Variants in LRRK2 observed in about 807,000 individuals in gnomAD.
LRRK2 encodes leucine-rich repeat serine/threonine-protein kinase 2.
LRRK2 carries 203 observed loss-of-function variants against 302.6 expected under a neutral mutation model. The ratio of observed to expected loss-of-function variants is 0.67; its 90% CI spans 0.60 to 0.75. LRRK2 has a LOEUF of 0.75. Among genes scored for constraint, LRRK2 ranks in the 30% least tolerant of loss-of-function variants. The pLI, the probability that LRRK2 is intolerant of heterozygous loss-of-function variation, is 0.00. For synonymous variants in LRRK2, 1,066 were observed against 1,031.9 expected, an observed-to-expected ratio of 1.03 and a Z score of -0.63; for missense variants, 2,830 against 2,951.0, an observed-to-expected ratio of 0.96 and a Z score of 0.95.
chr12:40,328,995 G>A (rs779901998), intron 39 of LRRK2, among the ~76,000 whole-genome samples: 8 of 152,110 alleles, frequency 5.3e-5, no homozygotes, highest in South Asian at 2.1e-4. Context: ...TATTTTTATT[G>A]AACATGACTT....
intron 32 of LRRK2, among the ~76,000 whole-genome samples, chr12:40,314,904 T>A (rs1945164731): frequency 6.6e-6 from 1 of 152,088 alleles, no homozygotes; most frequent in East Asian, 1.9e-4. Flanking sequence ...AACATGTCTT[T>A]GTAGTGTGTA....
At chr12:40,268,535 G>T (rs1186288851) in intron 14 of LRRK2, among the ~76,000 whole-genome samples, 1 of 152,058 alleles carries the variant, frequency 6.6e-6, no homozygotes, top group Non-Finnish European at 1.5e-5. Flanking sequence ...TATATGAAAA[G>T]ATACATCTTT....
At chr12:40,257,485 C>A in intron 12 of LRRK2, 108 bp downstream of exon 12, 2 of 1,328,122 alleles carry the variant, frequency 1.5e-6, no homozygotes, top group Middle Eastern at 2.4e-4. Context: ...AAACATAAGA[C>A]ACTTGAAAAC....
At chr12:40,343,136 G>A (rs993333178) in intron 41 of LRRK2, among the ~76,000 whole-genome samples, 4 of 152,160 alleles carry the variant, frequency 2.6e-5, no homozygotes, top group African/African-American at 4.8e-5. Context: ...AGCTGGGGAC[G>A]CAGAGACAGA....
intron 27 of LRRK2, 46 bp from the exon 28 acceptor site, chr12:40,305,739 T>G: frequency 1.3e-6 from 2 of 1,571,614 alleles, no homozygotes; most frequent in Non-Finnish European, 1.7e-6. Flanking sequence ...CAGAGCACAT[T>G]TCTTCCTTCC....
intron 18 of LRRK2, among the ~76,000 whole-genome samples, chr12:40,278,609 T>C (rs1943558677): frequency 6.6e-6 from 1 of 152,226 alleles, no homozygotes; most frequent in South Asian, 2.1e-4. Context: ...ACCATTTTTT[T>C]CCATGGTTTT....
intron 6 of LRRK2, among the ~76,000 whole-genome samples, chr12:40,243,029 C>G (rs1203243052): frequency 6.6e-6 from 1 of 151,270 alleles, no homozygotes; most frequent in Admixed American, 6.6e-5. Flanking sequence ...ATTTTACCAA[C>G]AAGAAAACTG....
At chr12:40,262,474 T>C (rs1942817243) in intron 13 of LRRK2, among the ~76,000 whole-genome samples, 1 of 152,134 alleles carries the variant, frequency 6.6e-6, no homozygotes, top group Non-Finnish European at 1.5e-5. Flanking sequence ...AAATAAATAT[T>C]TGTGCAACAA....
chr12:40,295,724 T>A, intron 23 of LRRK2, 80 bp downstream of exon 23: 1 of 1,357,186 alleles, frequency 7.4e-7, no homozygotes, highest in Non-Finnish European at 1.0e-6. Context: ...AATTAAGTCG[T>A]TTAAAAGAAC....
Position 40,347,177 on chromosome 12 carries a change from G to C in LRRK2, c.6280+254G>C, listed in dbSNP as rs143013645. ...ATTTAGAAACATAGAGAAGGAAATT[G>C]CTGTTAGAACTCCACATTTGGTGAT... On this transcript the variant is annotated intron_variant, in intron 42 of 50. Transcript: ENST00000298910. Among the ~76,000 whole-genome samples, 530 of 152,256 alleles carry C rather than the reference G, an allele frequency of 3.5e-3. 5 individuals are homozygous for C. Among genetic ancestry groups the C allele is most frequent in the African/African-American group, 0.012 (511 of 41,564 alleles).
At chr12:40,297,062 G>A (rs963666736) in intron 23 of LRRK2, among the ~76,000 whole-genome samples, 4 of 149,876 alleles carry the variant, frequency 2.7e-5, no homozygotes, top group Non-Finnish European at 4.4e-5. Context: ...ACTAGACTGT[G>A]AACTCTTTGA....
At chr12:40,358,304 C>G (rs917112300) in intron 46 of LRRK2, among the ~76,000 whole-genome samples, 2 of 152,094 alleles carry the variant, frequency 1.3e-5, no homozygotes, top group Non-Finnish European at 2.9e-5. Context: ...AACTCTTTGT[C>G]TAGACCAATG....
intron 31 of LRRK2, among the ~76,000 whole-genome samples, chr12:40,311,037 C>T (rs11175976): frequency 1.3e-5 from 2 of 152,008 alleles, no homozygotes; most frequent in African/African-American, 2.4e-5. Context: ...TATTCTTTAA[C>T]TGTTATTTTT....
rs1944681914 is a variant in LRRK2, at chr12:40,302,890, T to C, written c.3590+8T>C. 2 of 1,516,454 alleles carry C rather than the reference T, an allele frequency of 1.3e-6. No homozygotes were observed. The highest frequency in any genetic ancestry group is 1.8e-6 in the Non-Finnish European group (2 of 1,091,960). 93.9% of individuals were successfully genotyped at this position (1,516,454 alleles called of 1,614,324 possible). A position where few individuals can be genotyped will look rare whatever the true frequency, so the allele number is the denominator to read the frequency against. ...AATTTTAAATCTTCCACAGTAAGTT[T>C]ATTGTTATTTTAATTTTAAAAGCAC... On this transcript the variant is annotated splice_region_variant and intron_variant, in intron 26 of 50. Coordinates refer to ENST00000298910, the MANE Select transcript of LRRK2 (RefSeq NM_198578.4).
intron 2 of LRRK2, 65 bp downstream of exon 2, chr12:40,225,705 A>T: frequency 7.2e-7 from 1 of 1,388,172 alleles, no homozygotes; most frequent in Non-Finnish European, 1.0e-6. Context: ...TTTTACTGGC[A>T]ATGTTAATAT....
At chr12:40,349,383 A>G (rs1053088700) in intron 43 of LRRK2, among the ~76,000 whole-genome samples, 2 of 152,206 alleles carry the variant, frequency 1.3e-5, no homozygotes, top group Non-Finnish European at 2.9e-5. Flanking sequence ...TAGCTTTTCT[A>G]TATAAAATTT....
intron 47 of LRRK2, among the ~76,000 whole-genome samples, chr12:40,362,139 A>T (rs1278479061): frequency 6.6e-6 from 1 of 152,060 alleles, no homozygotes. Flanking sequence ...CGGAAATTCC[A>T]TGCAAAACTT....
At chr12:40,236,804 C>T (rs1312182413) in intron 4 of LRRK2, among the ~76,000 whole-genome samples, 1 of 152,110 alleles carries the variant, frequency 6.6e-6, no homozygotes, top group Non-Finnish European at 1.5e-5. Context: ...TGTTGTATGG[C>T]ATGCACTAAG....
At chr12:40,276,859 G>T (rs775281324) in intron 16 of LRRK2, among the ~76,000 whole-genome samples, 9 of 151,992 alleles carry the variant, frequency 5.9e-5, no homozygotes, top group Non-Finnish European at 1.0e-4. Context: ...TTGAGATGGG[G>T]TCTCACTCTA....
Sources: gnomAD v4.1 joint callset for allele counts (sites outside exome capture counted in the v4.1 genomes callset) on GRCh38, gnomAD v4.1.1 for gene constraint, MANE v1.5 for transcripts, NCBI Gene and HGNC (gene_info 2026-07-23, HGNC 2026-07-21) for gene names.